The following CLASP1 variants were observed in gnomAD, a reference collection of about 807,000 sequenced individuals.
CLASP1 encodes the protein CLIP-associating protein 1.
In CLASP1, 38 loss-of-function variants were observed where a neutral mutation model predicts 192.3. The observed-to-expected ratio is 0.20, with a 90% confidence interval of 0.15 to 0.26. The LOEUF is 0.26. Among genes scored for constraint, CLASP1 ranks in the 10% least tolerant of loss-of-function variants. The pLI is 1.00. For synonymous variants in CLASP1, 691 were observed against 712.8 expected (o/e 0.97, Z 0.49); for missense variants, 1,433 against 1,932.5 (o/e 0.74, Z 4.85).
At chr2:121,564,425 TGAA>T (rs2059342922) in intron 2 of CLASP1, among the ~76,000 whole-genome samples, 1 of 152,214 alleles carries the variant, frequency 6.6e-6, no homozygotes, top group Non-Finnish European at 1.5e-5. Context: ...TTAGAACCAC[TGAA>T]GAAGAATTAT....
intron 28 of CLASP1, among the ~76,000 whole-genome samples, chr2:121,400,660 CTGTT>C (rs2076033151): frequency 6.6e-6 from 1 of 152,262 alleles, no homozygotes; most frequent in South Asian, 2.1e-4. Context: ...GGCAAACTGT[CTGTT>C]TCTCACTGAT....
At chr2:121,502,262 C>T (rs901513664) in intron 8 of CLASP1, among the ~76,000 whole-genome samples, 2 of 152,026 alleles carry the variant, frequency 1.3e-5, no homozygotes, top group Non-Finnish European at 2.9e-5. Context: ...AATTTATGCT[C>T]ATTGAGAAAA....
chr2:121,444,452 A>G (rs1248851099), intron 19 of CLASP1, among the ~76,000 whole-genome samples: 1 of 152,238 alleles, frequency 6.6e-6, no homozygotes, highest in African/African-American at 2.4e-5. Context: ...TTATTTCTTT[A>G]AATTACCTGT....
In CLASP1 at chr2:121,452,492, C is replaced by T. The variant is rs181740687; in HGVS notation, c.1386-643G>A. 1.4e-4 allele frequency among the ~76,000 whole-genome samples: 22 copies of T among 152,298 alleles called. No homozygotes were observed. The East Asian group carries it at 3.9e-3, about 27-fold the overall frequency. On this transcript the variant is annotated intron_variant, in intron 14 of 39. Coordinates refer to ENST00000263710, the Ensembl canonical transcript of CLASP1. ...ATCACCACTTCGGGTTCTACCTCTACAAAATTTTCTTTTTCTGGCCGGGCA... is the reference window on the plus strand; with the variant it reads ...ATCACCACTTCGGGTTCTACCTCTATAAAATTTTCTTTTTCTGGCCGGGCA...
rs12468937 is a variant in CLASP1, at chr2:121,348,686, T to G, written c.4239A>C (p.Thr1413=). ...GCTCCGGGTGGATGGAACTGGCCAG[T>G]GTGGACGCAGCCTCCTCAGCCGCTC... Residue 1413 remains threonine (T), a synonymous_variant, in exon 38 of 40, where the codon ACA becomes ACC. Transcript: ENST00000263710. 12,501 of 1,612,700 alleles carry G rather than the reference T, an allele frequency of 7.8e-3. 328 individuals carry two copies. In the Admixed American group the frequency reaches 0.081, roughly 10 times the overall value.
At chr2:121,340,511 A>G (rs2062673698) in exon 40 of CLASP1, 1 of 202,210 alleles carries the variant, frequency 4.9e-6, no homozygotes, top group African/African-American at 2.3e-5. Context: ...CTGAAAAAAA[A>G]AATGCTACTT....
At chr2:121,571,292 C>T (rs1157260829) in intron 2 of CLASP1, among the ~76,000 whole-genome samples, 1 of 152,044 alleles carries the variant, frequency 6.6e-6, no homozygotes, top group African/African-American at 2.4e-5. Flanking sequence ...CCTCCCACCT[C>T]GGCCTCCCAA....
intron 6 of CLASP1, among the ~76,000 whole-genome samples, chr2:121,517,095 T>A (rs906339613): frequency 4.6e-5 from 7 of 152,264 alleles, no homozygotes; most frequent in African/African-American, 1.7e-4. Flanking sequence ...TGTGTCTGTA[T>A]ATGTATGTAT....
chr2:121,384,894 T>C (rs1382082608), intron 32 of CLASP1, among the ~76,000 whole-genome samples: 3 of 152,088 alleles, frequency 2.0e-5, no homozygotes, highest in African/African-American at 7.2e-5. Flanking sequence ...ATAAATTAAT[T>C]AATTAATTAA....
At chr2:121,508,922 T>G (rs2094027689) in intron 7 of CLASP1, among the ~76,000 whole-genome samples, 1 of 152,104 alleles carries the variant, frequency 6.6e-6, no homozygotes, top group South Asian at 2.1e-4. Context: ...AGTAAAAGAG[T>G]CAGTGCTCAG....
chr2:121,366,656 A>C (rs936688444), intron 35 of CLASP1, among the ~76,000 whole-genome samples: 3 of 152,204 alleles, frequency 2.0e-5, no homozygotes, highest in Admixed American at 2.0e-4. Context: ...CATACACTTC[A>C]TGACACACGG....
At chr2:121,579,480 C>T (rs765361342) in intron 2 of CLASP1, among the ~76,000 whole-genome samples, 5 of 152,198 alleles carry the variant, frequency 3.3e-5, no homozygotes, top group Admixed American at 6.6e-5. Context: ...CAGCTGCTCC[C>T]GATCCCTCCT....
intron 19 of CLASP1, among the ~76,000 whole-genome samples, chr2:121,444,118 A>G (rs887056822): frequency 1.1e-4 from 17 of 152,228 alleles, no homozygotes; most frequent in African/African-American, 4.1e-4. Context: ...AAGGAATGAT[A>G]TTGCCTTATA....
chr2:121,582,355 G>A (rs778525221), intron 2 of CLASP1, among the ~76,000 whole-genome samples: 2 of 148,636 alleles, frequency 1.3e-5, no homozygotes, highest in African/African-American at 2.5e-5. Context: ...AGGAGAGAGA[G>A]AGAGAAAGAA....
chr2:121,485,958 G>T (rs2092946305), intron 8 of CLASP1, among the ~76,000 whole-genome samples: 1 of 152,210 alleles, frequency 6.6e-6, no homozygotes, highest in African/African-American at 2.4e-5. Flanking sequence ...AGAGGCCACA[G>T]AAGTCCAGGC....
intron 6 of CLASP1, among the ~76,000 whole-genome samples, chr2:121,517,691 C>CA (rs1017439241): frequency 6.6e-6 from 1 of 151,290 alleles, no homozygotes; most frequent in East Asian, 2.0e-4. Flanking sequence ...CCCATCTCTA[C>CA]AAAAAAAATT....
At chr2:121,401,628 AATT>A in exon 28 of CLASP1, 1 of 1,612,444 alleles carries the variant, frequency 6.2e-7, no homozygotes, top group Non-Finnish European at 8.5e-7. Context: ...CATCCTTATG[AATT>A]ATTATAAAAT....
Position 121,391,756 on chromosome 2 carries a change from T to C in CLASP1, c.3124-3850A>G, listed in dbSNP as rs571647748. Among the ~76,000 whole-genome samples, 327 of 152,078 alleles carry C rather than the reference T, an allele frequency of 2.2e-3. 1 individual carries two copies. The highest frequency in any genetic ancestry group is 7.4e-3 in the African/African-American group (308 of 41,488). On this transcript the variant is annotated intron_variant, in intron 30 of 39. Transcript: ENST00000263710. ...CCGTCTCCACTAAAAATACAAAAAT[T>C]AGCTGGGTGTGGTGGCATGTGCCTG...
intron 1 of CLASP1, among the ~76,000 whole-genome samples, chr2:121,629,356 C>T (rs1392883326): frequency 6.6e-6 from 1 of 151,980 alleles, no homozygotes; most frequent in East Asian, 1.9e-4. Flanking sequence ...CACCACTGCA[C>T]TCCAGCCTGG....
Sources: gnomAD v4.1 joint callset for allele counts (sites outside exome capture counted in the v4.1 genomes callset) on GRCh38, gnomAD v4.1.1 for gene constraint, MANE v1.5 for transcripts, NCBI Gene and HGNC (gene_info 2026-07-23, HGNC 2026-07-21) for gene names.